Variants in MYO10 observed in about 807,000 individuals in gnomAD.
MYO10 encodes the protein myosin X, also known as unconventional myosin-X.
MYO10 carries 133 observed loss-of-function variants against 257.3 expected under a neutral mutation model. The ratio of observed to expected loss-of-function variants is 0.52; its 90% CI spans 0.45 to 0.60. The LOEUF is 0.60. MYO10 is among the 20% of genes least tolerant of loss of function. The probability of loss-of-function intolerance (pLI) is 0.00; values close to 1 mark genes in which losing one functional copy is unlikely to be tolerated. For synonymous variants in MYO10, 1,104 were observed against 1,028.6 expected (o/e 1.07, Z -1.40); for missense variants, 2,399 against 2,635.7 (o/e 0.91, Z 1.97).
intron 2 of MYO10, among the ~76,000 whole-genome samples, chr5:16,847,647 T>C (rs1743675999): frequency 6.6e-6 from 1 of 151,926 alleles, no homozygotes; most frequent in Non-Finnish European, 1.5e-5. Flanking sequence ...GGAGGATCGC[T>C]TGAGCTTAGG....
intron 19 of MYO10, among the ~76,000 whole-genome samples, chr5:16,749,306 G>C (rs1350421676): frequency 6.6e-6 from 1 of 152,002 alleles, no homozygotes; most frequent in Non-Finnish European, 1.5e-5. Flanking sequence ...GGCCAACATG[G>C]TGAAAAGCCA....
chr5:16,902,746 C>A, intron 1 of MYO10: 1 of 688,496 alleles, frequency 1.5e-6, no homozygotes, highest in Non-Finnish European at 2.6e-6. Context: ...AGGTGATCCA[C>A]CCGCCTTGGC....
At chr5:16,770,454 T>C (rs1741013003) in intron 9 of MYO10, among the ~76,000 whole-genome samples, 1 of 152,152 alleles carries the variant, frequency 6.6e-6, no homozygotes, top group Non-Finnish European at 1.5e-5. Flanking sequence ...TTACCAACAG[T>C]ATCTAAACAA....
chr5:16,746,215 C>A (rs949637208), intron 19 of MYO10, among the ~76,000 whole-genome samples: 6 of 152,144 alleles, frequency 3.9e-5, no homozygotes, highest in Admixed American at 3.3e-4. Context: ...GGTGCTGATG[C>A]GAGTGTCACA....
chr5:16,722,155 C>T (rs1022836976), intron 19 of MYO10, among the ~76,000 whole-genome samples: 5 of 152,180 alleles, frequency 3.3e-5, no homozygotes, highest in Non-Finnish European at 5.9e-5. Flanking sequence ...GTAAAACTGT[C>T]CCGATGCATC....
intron 21 of MYO10, among the ~76,000 whole-genome samples, chr5:16,706,736 TCA>T (rs1738364968): frequency 6.6e-6 from 1 of 152,244 alleles, no homozygotes; most frequent in South Asian, 2.1e-4. Flanking sequence ...GCTTTAGTTT[TCA>T]GTCCATTAAA....
chr5:16,682,416 G>T (rs1737050143), intron 30 of MYO10, among the ~76,000 whole-genome samples: 2 of 152,164 alleles, frequency 1.3e-5, no homozygotes, highest in Non-Finnish European at 1.5e-5. Flanking sequence ...AGCAATAAAA[G>T]AGGATCAGTA....
intron 2 of MYO10, among the ~76,000 whole-genome samples, chr5:16,858,110 C>T (rs990276496): frequency 6.6e-6 from 1 of 152,228 alleles, no homozygotes; most frequent in Non-Finnish European, 1.5e-5. Context: ...CCACAAGACG[C>T]TACCTGCTGT....
intron 2 of MYO10, among the ~76,000 whole-genome samples, chr5:16,859,362 T>A (rs1260283893): frequency 6.6e-6 from 1 of 152,132 alleles, no homozygotes; most frequent in Non-Finnish European, 1.5e-5. Context: ...ATATGGGCAC[T>A]AACTCCATTC....
intron 4 of MYO10, among the ~76,000 whole-genome samples, chr5:16,784,798 T>G (rs765331563): frequency 1.3e-5 from 2 of 152,130 alleles, no homozygotes; most frequent in African/African-American, 4.8e-5. Context: ...ATCAATTGCA[T>G]GTAATAAAAG....
chr5:16,675,127 T>G lies in MYO10; in HGVS notation c.4690A>C (p.Thr1564Pro), dbSNP rs1403929600. ...LNLLKDKGYTTLQDEAIKIFN... is the reference protein window; with the variant it reads ...LNLLKDKGYTPLQDEAIKIFN... ...ATCTTGATGGCCTCATCCTGAAGGGTGGTATAGCCTTTGTCTTTGAGCACT... is the reference window on the plus strand; with the variant it reads ...ATCTTGATGGCCTCATCCTGAAGGGGGGTATAGCCTTTGTCTTTGAGCACT... Residue 1564 changes from threonine (T) to proline (P), a missense_variant, in exon 35 of 41, where the codon ACC (threonine) becomes CCC (proline). Thr to Pro is a conservative substitution (Grantham distance 38). Transcript: ENST00000513610. The G allele has an allele frequency of 6.2e-7, 1 of 1,613,506 alleles. No homozygotes were observed. Among genetic ancestry groups the G allele is most frequent in the Non-Finnish European group, 8.5e-7 (1 of 1,179,858 alleles).
At chr5:16,685,491 C>T in intron 29 of MYO10, among the ~76,000 whole-genome samples, 1 of 152,148 alleles carries the variant, frequency 6.6e-6, no homozygotes, top group East Asian at 1.9e-4. Flanking sequence ...GGACTACAGG[C>T]ATGAGCCACA....
chr5:16,822,737 G>T (rs1580036792), intron 2 of MYO10, among the ~76,000 whole-genome samples: 2 of 149,198 alleles, frequency 1.3e-5, no homozygotes, highest in South Asian at 4.2e-4. Context: ...GCCCAGGCTG[G>T]AGTGCAGTGG....
chr5:16,781,097 T>TA (rs1423597986), intron 6 of MYO10, among the ~76,000 whole-genome samples: 2 of 145,968 alleles, frequency 1.4e-5, no homozygotes, highest in African/African-American at 2.5e-5. Flanking sequence ...TTTTTTTTTT[T>TA]AACACAGTGT....
At chr5:16,778,201 A>G (rs1456022666) in intron 9 of MYO10, among the ~76,000 whole-genome samples, 1 of 152,114 alleles carries the variant, frequency 6.6e-6, no homozygotes, top group Non-Finnish European at 1.5e-5. Flanking sequence ...GATCACAGTG[A>G]TGAAATCTCC....
intron 19 of MYO10, among the ~76,000 whole-genome samples, chr5:16,728,622 A>T (rs546097365): frequency 6.6e-6 from 1 of 152,184 alleles, no homozygotes. Flanking sequence ...AAGGCTTTCC[A>T]TGAGTCTAAT....
At chr5:16,861,255 T>TAA (rs542471277) in intron 2 of MYO10, among the ~76,000 whole-genome samples, 3 of 112,192 alleles carry the variant, frequency 2.7e-5, no homozygotes, top group African/African-American at 7.7e-5. Flanking sequence ...CCTACAGCAA[T>TAA]AAAAAAAAAA....
At chr5:16,729,475 G>A (rs1371254162) in intron 19 of MYO10, among the ~76,000 whole-genome samples, 11 of 143,822 alleles carry the variant, frequency 7.6e-5, no homozygotes, top group Non-Finnish European at 1.3e-4. Context: ...TTTTTGAGAC[G>A]GAGTCTCACT....
chr5:16,731,809 A>G (rs2126616884), intron 19 of MYO10, among the ~76,000 whole-genome samples: 1 of 152,290 alleles, frequency 6.6e-6, no homozygotes, highest in South Asian at 2.1e-4. Flanking sequence ...GCGGCTCCCC[A>G]TCTCCTGCCT....
Sources: allele counts gnomAD v4.1 joint callset (sites outside exome capture counted in the v4.1 genomes callset), GRCh38; gene constraint gnomAD v4.1.1; transcripts MANE v1.5; gene names NCBI Gene and HGNC (gene_info 2026-07-23, HGNC 2026-07-21).